Variants in CA10 observed in about 807,000 individuals in gnomAD.
CA10 encodes carbonic anhydrase-related protein 10.
CA10 carries 14 observed loss-of-function variants against 44.2 expected under a neutral mutation model. The ratio of observed to expected loss-of-function variants is 0.32; its 90% CI spans 0.21 to 0.50. The LOEUF is 0.50. Ranked by LOEUF, CA10 falls within the 20% of genes least tolerant of loss-of-function variation. The pLI is 0.99. For missense variants in CA10, 350 were observed against 409.7 expected (o/e 0.85, Z 1.26); for synonymous variants, 159 against 141.6 (o/e 1.12, Z -0.87).
At chr17:52,006,493 TC>T (rs1487915355) in intron 2 of CA10, among the ~76,000 whole-genome samples, 3 of 151,902 alleles carry the variant, frequency 2.0e-5, no homozygotes, top group Admixed American at 2.0e-4. Context: ...TAGTGGAAGA[TC>T]AATTTTCATC....
chr17:51,866,794 G>T (rs1458357031), intron 3 of CA10, among the ~76,000 whole-genome samples: 1 of 152,126 alleles, frequency 6.6e-6, no homozygotes, highest in Admixed American at 6.6e-5. Flanking sequence ...ATTTTGTAAA[G>T]CTTAGCAGAA....
chr17:51,737,423 C>A (rs1331668878), intron 4 of CA10, among the ~76,000 whole-genome samples: 1 of 145,678 alleles, frequency 6.9e-6, no homozygotes, highest in Non-Finnish European at 1.5e-5. Context: ...CTAAGGTGAA[C>A]CTTAGAACTT....
intron 3 of CA10, among the ~76,000 whole-genome samples, chr17:51,785,727 G>A (rs778708713): frequency 6.6e-6 from 1 of 152,206 alleles, no homozygotes; most frequent in Non-Finnish European, 1.5e-5. Context: ...ATAATTTGAT[G>A]TTAGGTATTG....
At chr17:51,887,631 A>G (rs1021317663) in intron 3 of CA10, among the ~76,000 whole-genome samples, 1 of 152,060 alleles carries the variant, frequency 6.6e-6, no homozygotes, top group African/African-American at 2.4e-5. Flanking sequence ...GAACAACATC[A>G]CCACTTGGCT....
intron 3 of CA10, among the ~76,000 whole-genome samples, chr17:51,928,663 G>A (rs1982527472): frequency 6.6e-6 from 1 of 152,116 alleles, no homozygotes; most frequent in African/African-American, 2.4e-5. Context: ...TTCAAAATGT[G>A]ACATCTTGCC....
chr17:52,022,810 G>C (rs1227126868), intron 2 of CA10, among the ~76,000 whole-genome samples: 2 of 151,814 alleles, frequency 1.3e-5, no homozygotes, highest in African/African-American at 4.8e-5. Context: ...TCTATACACT[G>C]ATAATATTCA....
intron 3 of CA10, among the ~76,000 whole-genome samples, chr17:51,887,367 A>G (rs1406609698): frequency 6.6e-6 from 1 of 152,188 alleles, no homozygotes; most frequent in Non-Finnish European, 1.5e-5. Context: ...AGTTCTTGAG[A>G]GCTTGTTAGC....
chr17:51,935,489 T>A (rs1409156408), intron 2 of CA10, among the ~76,000 whole-genome samples: 1 of 152,162 alleles, frequency 6.6e-6, no homozygotes, highest in East Asian at 1.9e-4. Context: ...ATCTTCTAAT[T>A]TACATATAAA....
At chr17:51,842,626 C>T (rs988361575) in intron 3 of CA10, among the ~76,000 whole-genome samples, 20 of 152,116 alleles carry the variant, frequency 1.3e-4, no homozygotes, top group Admixed American at 9.8e-4. Context: ...GATAAGGCAT[C>T]GTTGGCATGA....
chr17:51,794,790 G>A (rs1014826800), intron 3 of CA10, among the ~76,000 whole-genome samples: 1 of 152,176 alleles, frequency 6.6e-6, no homozygotes, highest in Non-Finnish European at 1.5e-5. Flanking sequence ...TACAACCCAG[G>A]AAATGTAGTA....
At chr17:52,019,986 T>C (rs1986085481) in intron 2 of CA10, among the ~76,000 whole-genome samples, 1 of 151,918 alleles carries the variant, frequency 6.6e-6, no homozygotes, top group African/African-American at 2.4e-5. Context: ...ATATCAGTTG[T>C]TGAGAATTGT....
intron 2 of CA10, among the ~76,000 whole-genome samples, chr17:51,931,876 CTATT>C (rs1284653160): frequency 5.3e-5 from 8 of 152,146 alleles, no homozygotes; most frequent in Non-Finnish European, 7.4e-5. Context: ...CGATTTCTCT[CTATT>C]TAAGAAAGTT....
chr17:51,960,549 G>A (rs1051349310), intron 2 of CA10, among the ~76,000 whole-genome samples: 5 of 151,962 alleles, frequency 3.3e-5, no homozygotes, highest in African/African-American at 7.3e-5. Context: ...AAATGACAAC[G>A]TATTTTAGTG....
chr17:51,787,034 T>C (rs1292856007), intron 3 of CA10, among the ~76,000 whole-genome samples: 1 of 152,204 alleles, frequency 6.6e-6, no homozygotes, highest in African/African-American at 2.4e-5. Context: ...CACTTGGCCA[T>C]GATGTATGAT....
chr17:51,963,360 G>GA (rs1567902173), intron 2 of CA10, among the ~76,000 whole-genome samples: 1 of 152,116 alleles, frequency 6.6e-6, no homozygotes, highest in Non-Finnish European at 1.5e-5. Context: ...GCTAATTCAA[G>GA]AAAACGTCCC....
At chr17:51,645,101 G>C (rs900509016) in intron 6 of CA10, among the ~76,000 whole-genome samples, 2 of 151,850 alleles carry the variant, frequency 1.3e-5, no homozygotes, top group African/African-American at 4.8e-5. Context: ...CGGCCTCTTG[G>C]CTTTTTCTTT....
chr17:52,077,938 C>T (rs946233457), intron 1 of CA10, among the ~76,000 whole-genome samples: 1 of 152,144 alleles, frequency 6.6e-6, no homozygotes, highest in Non-Finnish European at 1.5e-5. Flanking sequence ...GTTCTTCCCA[C>T]AAGTCCATAA....
chr17:51,651,875 C>T (rs1011712524), intron 5 of CA10, among the ~76,000 whole-genome samples: 10 of 152,174 alleles, frequency 6.6e-5, no homozygotes, highest in African/African-American at 2.2e-4. Flanking sequence ...CTCCTGGACA[C>T]ACATGACAAT....
intron 4 of CA10, among the ~76,000 whole-genome samples, chr17:51,659,674 C>G (rs1257210782): frequency 6.6e-6 from 1 of 152,140 alleles, no homozygotes; most frequent in East Asian, 1.9e-4. Flanking sequence ...TGTCGAACAC[C>G]TCTTTGTGTG....
Sources: gnomAD v4.1 joint callset for allele counts (sites outside exome capture counted in the v4.1 genomes callset) on GRCh38, gnomAD v4.1.1 for gene constraint, MANE v1.5 for transcripts, NCBI Gene and HGNC (gene_info 2026-07-23, HGNC 2026-07-21) for gene names.